The following ARHGAP15 variants were observed in gnomAD, a reference collection of about 807,000 sequenced individuals.
ARHGAP15 encodes the protein rho GTPase-activating protein 15.
ARHGAP15 carries 51 observed loss-of-function variants against 63.7 expected under a neutral mutation model. That is an observed-to-expected ratio of 0.80 (90% CI 0.64 to 1.01). The LOEUF (loss-of-function observed/expected upper bound fraction) is 1.01. Ranked by LOEUF, ARHGAP15 falls within the 50% of genes least tolerant of loss-of-function variation. The probability of loss-of-function intolerance (pLI) is 0.00; values close to 1 mark genes in which losing one functional copy is unlikely to be tolerated. For missense variants in ARHGAP15, 560 were observed against 564.6 expected (o/e 0.99, Z 0.08); for synonymous variants, 191 against 193.8 (o/e 0.99, Z 0.12).
intron 10 of ARHGAP15, among the ~76,000 whole-genome samples, chr2:143,541,571 C>T (rs13001127): frequency 6.6e-6 from 1 of 152,144 alleles, no homozygotes; most frequent in Admixed American, 6.5e-5. Context: ...GATGTCCTTT[C>T]TCTTTGTTAG....
At chr2:143,566,881 G>A (rs996870753) in intron 11 of ARHGAP15, among the ~76,000 whole-genome samples, 14 of 143,190 alleles carry the variant, frequency 9.8e-5, no homozygotes, top group Non-Finnish European at 2.1e-4. Context: ...ATCTAAAACT[G>A]CCTTGCTGCT....
chr2:143,137,698 T>C (rs1381534586), intron 1 of ARHGAP15, among the ~76,000 whole-genome samples: 1 of 152,094 alleles, frequency 6.6e-6, no homozygotes, highest in Non-Finnish European at 1.5e-5. Context: ...AATTTTATGT[T>C]CACTTTAAAT....
rs892311401 is a variant in ARHGAP15 at position 143,526,458 on chromosome 2, G to A, written c.925+7094G>A. ...CTTGGAGTCAGTTGGAAGGAACAGAGCCAAAATTAAGACCCTAGGAAATTA... is the reference window on the plus strand; with the variant it reads ...CTTGGAGTCAGTTGGAAGGAACAGAACCAAAATTAAGACCCTAGGAAATTA... On this transcript the variant is annotated intron_variant, in intron 10 of 13. Transcript: ENST00000295095. 2.6e-5 allele frequency among the ~76,000 whole-genome samples: 4 copies of A among 152,258 alleles called. No homozygotes were observed. In the South Asian group the frequency reaches 6.2e-4, roughly 24 times the overall value.
chr2:143,499,118 C>G (rs1455466521), intron 9 of ARHGAP15, among the ~76,000 whole-genome samples: 2 of 152,144 alleles, frequency 1.3e-5, no homozygotes, highest in Admixed American at 6.5e-5. Context: ...GCACAGCCAT[C>G]CAGGAAGAAA....
At chr2:143,428,322 G>A (rs987576293) in intron 6 of ARHGAP15, among the ~76,000 whole-genome samples, 10 of 151,902 alleles carry the variant, frequency 6.6e-5, no homozygotes, top group Admixed American at 3.3e-4. Context: ...GTGGAGCAGC[G>A]GAAGTGCAGA....
rs62170312 is a variant in ARHGAP15 at position 143,762,532 on chromosome 2, G to A, written c.1245-5457G>A. Among the ~76,000 whole-genome samples, 3 of 152,256 alleles carry A rather than the reference G, an allele frequency of 2.0e-5. No homozygotes were observed. The South Asian group carries it at 6.2e-4, about 32-fold the overall frequency. On this transcript the variant is annotated intron_variant, in intron 13 of 13. Coordinates refer to ENST00000295095, the MANE Select transcript of ARHGAP15 (RefSeq NM_018460.4). ...GCTACAGAGCTGTGAAGCCAGGGTG[G>A]CATAGGAGGATAAAATTCCTAACAT... is the stretch of plus-strand genomic sequence containing the variant.
chr2:143,356,232 A>G (rs1189512283), intron 6 of ARHGAP15, among the ~76,000 whole-genome samples: 1 of 152,172 alleles, frequency 6.6e-6, no homozygotes, highest in African/African-American at 2.4e-5. Context: ...TCGTCAAAAC[A>G]TGACCTTTAA....
At chr2:143,278,247 T>G (rs1681664027) in intron 6 of ARHGAP15, among the ~76,000 whole-genome samples, 1 of 152,176 alleles carries the variant, frequency 6.6e-6, no homozygotes, top group African/African-American at 2.4e-5. Context: ...CGTGAAGACC[T>G]GACAGAGTTA....
At chr2:143,670,639 C>A (rs1423828251) in intron 12 of ARHGAP15, among the ~76,000 whole-genome samples, 1 of 152,158 alleles carries the variant, frequency 6.6e-6, no homozygotes, top group East Asian at 1.9e-4. Flanking sequence ...TTCAAACCCA[C>A]CCTACCACCT....
intron 6 of ARHGAP15, among the ~76,000 whole-genome samples, chr2:143,377,061 T>G (rs1479098684): frequency 6.6e-6 from 1 of 152,116 alleles, no homozygotes; most frequent in African/African-American, 2.4e-5. Flanking sequence ...GTTTTGGATT[T>G]CGTTTACAAA....
chr2:143,162,380 T>G (rs1690331580), intron 2 of ARHGAP15: 1 of 151,968 alleles, frequency 6.6e-6, no homozygotes, highest in African/African-American at 2.4e-5. Context: ...TTTCTGTAGT[T>G]CATGTACAGA....
chr2:143,725,941 CTTGTAAAAGTTTTCCAT>C (rs1685253801), intron 13 of ARHGAP15, among the ~76,000 whole-genome samples: 1 of 152,194 alleles, frequency 6.6e-6, no homozygotes, highest in African/African-American at 2.4e-5. Context: ...AGCTATATGG[CTTGTAAAAGTTTTCCAT>C]TTACATCCTG....
At chr2:143,194,314 C>T (rs957119758) in intron 2 of ARHGAP15, among the ~76,000 whole-genome samples, 2 of 152,040 alleles carry the variant, frequency 1.3e-5, no homozygotes, top group Admixed American at 6.5e-5. Flanking sequence ...TAATCTACTC[C>T]CTAAACTATT....
chr2:143,413,479 GC>G (rs1221972632), intron 6 of ARHGAP15, among the ~76,000 whole-genome samples: 1 of 152,046 alleles, frequency 6.6e-6, no homozygotes, highest in African/African-American at 2.4e-5. Context: ...ATCACCTATA[GC>G]TTTTAATTAA....
In ARHGAP15 at chr2:143,228,577, T is replaced by C. The variant is rs1259729746; in HGVS notation, c.297-4T>C. 2 of 1,595,488 alleles carry C rather than the reference T, an allele frequency of 1.3e-6. No homozygotes were observed. The highest frequency in any genetic ancestry group is 8.5e-7 in the Non-Finnish European group (1 of 1,169,934). On this transcript the variant is annotated splice_polypyrimidine_tract_variant and splice_region_variant and intron_variant, in intron 4 of 13. Transcript: ENST00000295095. ...TTCTTTCCCTTTTATTTTTTTGTCC[T>C]AAGGAAAAACTGGTCTACTTCCTGG...
At chr2:143,323,656 G>GGAGGCT (rs754445451) in intron 6 of ARHGAP15, among the ~76,000 whole-genome samples, 32 of 152,018 alleles carry the variant, frequency 2.1e-4, no homozygotes, top group Non-Finnish European at 3.8e-4. Context: ...CAGCACTGTG[G>GGAGGCT]GAGGCTGAGG....
intron 13 of ARHGAP15, among the ~76,000 whole-genome samples, chr2:143,748,347 CTT>C (rs1686244980): frequency 1.3e-5 from 2 of 152,234 alleles, no homozygotes; most frequent in South Asian, 2.1e-4. Flanking sequence ...CCACCTATGT[CTT>C]TGTTTTTGAT....
intron 9 of ARHGAP15, among the ~76,000 whole-genome samples, chr2:143,509,344 AAAT>A (rs1228943640): frequency 2.6e-5 from 4 of 152,024 alleles, no homozygotes; most frequent in East Asian, 3.9e-4. Context: ...AAAAAAAAAA[AAAT>A]AAGTAAACAA....
At chr2:143,521,479 A>C (rs1311010627) in intron 10 of ARHGAP15, among the ~76,000 whole-genome samples, 2 of 152,180 alleles carry the variant, frequency 1.3e-5, no homozygotes, top group Non-Finnish European at 2.9e-5. Flanking sequence ...TGTGAATCTA[A>C]GTCCAATGTT....
Sources: allele counts gnomAD v4.1 joint callset (sites outside exome capture counted in the v4.1 genomes callset), GRCh38; gene constraint gnomAD v4.1.1; transcripts MANE v1.5; gene names NCBI Gene and HGNC (gene_info 2026-07-23, HGNC 2026-07-21).